The following DCX variants were observed in gnomAD, a reference collection of about 807,000 sequenced individuals.
The protein encoded by DCX is doublecortin.
DCX carries 4 observed loss-of-function variants against 20.9 expected under a neutral mutation model. The observed-to-expected ratio is 0.19, with a 90% CI of 0.09 to 0.44. The LOEUF is 0.44. Ranked by LOEUF, DCX falls within the 20% of genes least tolerant of loss-of-function variation. The pLI, the probability that DCX is intolerant of heterozygous loss-of-function variation, is 0.99. For missense variants in DCX, 133 were observed against 296.9 expected (o/e 0.45, Z 4.06); for synonymous variants, 103 against 111.4 (o/e 0.92, Z 0.47).
At chrX:111,333,906 T>G (rs1921486302) in intron 3 of DCX, among the ~76,000 whole-genome samples, 1 of 111,860 alleles carries the variant, frequency 8.9e-6, no homozygotes, top group African/African-American at 3.2e-5. Context: ...CCTGGGAAAG[T>G]ATGCTGCTTC....
chrX:111,411,022 C>A (rs750545232), intron 1 of DCX: 2 of 1,063,926 alleles, frequency 1.9e-6, no homozygotes, highest in East Asian at 3.0e-5. Flanking sequence ...TCCCCTCCCC[C>A]CAGAATAAAC....
intron 3 of DCX, among the ~76,000 whole-genome samples, chrX:111,365,806 A>G (rs757570488): frequency 2.7e-5 from 3 of 111,807 alleles, no homozygotes; most frequent in Non-Finnish European, 5.6e-5. Context: ...ATTGTATATA[A>G]TTGTTATCTA....
chrX:111,357,803 A>T (rs763734375), intron 3 of DCX, among the ~76,000 whole-genome samples: 11 of 110,986 alleles, frequency 9.9e-5, no homozygotes, highest in East Asian at 5.7e-4. Flanking sequence ...AAAGAAAAAA[A>T]AAAAGGAGCT....
intron 3 of DCX, among the ~76,000 whole-genome samples, chrX:111,373,226 C>T (rs1470510602): frequency 8.9e-6 from 1 of 111,971 alleles, no homozygotes; most frequent in Admixed American, 9.5e-5. Context: ...CAAGGCTGAC[C>T]TTTTATCATT....
At chrX:111,408,724 C>A (rs932717080) in intron 2 of DCX, among the ~76,000 whole-genome samples, 7 of 111,637 alleles carry the variant, frequency 6.3e-5, no homozygotes, top group African/African-American at 2.3e-4. Context: ...CCTTGAGACT[C>A]AGATGCAGCA....
At position 111,393,288 on chromosome X, in the gene DCX, C is replaced by G. The variant is rs1279808911; in HGVS notation, c.705+7702G>C. 3.6e-5 allele frequency among the ~76,000 whole-genome samples: 4 copies of G among 111,333 alleles called. No individual in the cohort carries two copies. The South Asian group carries it at 1.5e-3, about 42-fold the overall frequency. On this transcript the variant is annotated intron_variant, in intron 3 of 6. Transcript: ENST00000636035. Reference sequence around the variant, plus strand: ...ATCAGATATCTATGTGCCCCTCCCCCAAAAGAACCTTGACTCTTATCCTGT... The same window carrying G: ...ATCAGATATCTATGTGCCCCTCCCCGAAAAGAACCTTGACTCTTATCCTGT...
intron 5 of DCX, among the ~76,000 whole-genome samples, chrX:111,324,833 T>A (rs1411146782): frequency 9.0e-6 from 1 of 111,683 alleles, no homozygotes; most frequent in Non-Finnish European, 1.9e-5. Flanking sequence ...TTTAGAGGGG[T>A]ACTTTGCACA....
chrX:111,317,630 A>G (rs2095075898), intron 5 of DCX, among the ~76,000 whole-genome samples: 1 of 112,080 alleles, frequency 8.9e-6, no homozygotes, highest in Non-Finnish European at 1.9e-5. Flanking sequence ...CAGACAACCT[A>G]CAGAATGGTA....
chrX:111,367,078 C>T (rs1242770803), intron 3 of DCX, among the ~76,000 whole-genome samples: 3 of 111,879 alleles, frequency 2.7e-5, no homozygotes, highest in African/African-American at 9.7e-5. Flanking sequence ...ATGTAAATTT[C>T]CTGCTCCCCA....
At chrX:111,325,452 C>T (rs2147621229) in intron 5 of DCX, among the ~76,000 whole-genome samples, 1 of 110,794 alleles carries the variant, frequency 9.0e-6, no homozygotes, top group South Asian at 3.9e-4. Context: ...TATCTTAGTT[C>T]CCCAATGAAA....
In DCX at chrX:111,300,068, G is replaced by A. The variant is rs1371171243; in HGVS notation, c.*1619C>T. 1 of 111,824 alleles carries A rather than the reference G, an allele frequency of 8.9e-6. No individual in the cohort carries two copies. Among genetic ancestry groups the A allele is most frequent in the African/African-American group, 3.3e-5 (1 of 30,725 alleles). 9.2% of individuals were successfully genotyped at this position (111,824 alleles called of 1,213,427 possible). On this transcript the variant is annotated 3_prime_UTR_variant, in exon 7 of 7. Coordinates refer to ENST00000636035, the MANE Select transcript of DCX (RefSeq NM_001195553.2). ...ACAGCAAGCTCATTCCATTTAGAGT[G>A]GAGGAACAACTGCAAGCCATTCAGT... is the stretch of plus-strand genomic sequence containing the variant.
intron 5 of DCX, among the ~76,000 whole-genome samples, chrX:111,327,429 G>A (rs1186140859): frequency 1.8e-5 from 2 of 112,037 alleles, no homozygotes; most frequent in South Asian, 3.7e-4. Flanking sequence ...AATCTCAAAT[G>A]TCTGTAAGGA....
At chrX:111,400,399 C>G (rs970695833) in intron 3 of DCX, among the ~76,000 whole-genome samples, 2 of 111,853 alleles carry the variant, frequency 1.8e-5, no homozygotes, top group Admixed American at 1.9e-4. Context: ...GAAATAGTCC[C>G]TTTCTCACAC....
chrX:111,362,735 TAG>T (rs1194610926), intron 3 of DCX, among the ~76,000 whole-genome samples: 4 of 111,249 alleles, frequency 3.6e-5, no homozygotes, highest in African/African-American at 6.5e-5. Flanking sequence ...CCTGTGAAAG[TAG>T]AGAGATGAGG....
intron 2 of DCX, among the ~76,000 whole-genome samples, chrX:111,406,253 A>G (rs773195852): frequency 3.4e-4 from 38 of 111,910 alleles, no homozygotes; most frequent in Admixed American, 6.6e-4. Context: ...GATTCAATAG[A>G]TCTTGGGTGT....
intron 5 of DCX, among the ~76,000 whole-genome samples, chrX:111,314,910 T>A (rs1185250586): frequency 9.4e-6 from 1 of 106,768 alleles, no homozygotes; most frequent in Non-Finnish European, 1.9e-5. Flanking sequence ...ATGTTGTAGG[T>A]TGCCTGTTCA....
chrX:111,406,359 A>G (rs1292782096), intron 2 of DCX, among the ~76,000 whole-genome samples: 1 of 112,210 alleles, frequency 8.9e-6, no homozygotes, highest in African/African-American at 3.2e-5. Flanking sequence ...TACTAACATA[A>G]TCATTGTCAT....
At chrX:111,320,191 T>C (rs2095083191) in intron 5 of DCX, among the ~76,000 whole-genome samples, 1 of 112,131 alleles carries the variant, frequency 8.9e-6, no homozygotes, top group East Asian at 2.8e-4. Flanking sequence ...AAATGTAGAT[T>C]CATTACAAGC....
At chrX:111,302,127 C>T (rs1380720609) in intron 6 of DCX, among the ~76,000 whole-genome samples, 2 of 111,694 alleles carry the variant, frequency 1.8e-5, no homozygotes, top group African/African-American at 3.3e-5. Context: ...TCCCCTCTTC[C>T]CTGAGCCCTG....
Sources: allele counts gnomAD v4.1 joint callset (sites outside exome capture counted in the v4.1 genomes callset), GRCh38; gene constraint gnomAD v4.1.1; transcripts MANE v1.5; gene names NCBI Gene and HGNC (gene_info 2026-07-23, HGNC 2026-07-21).